The following CCNL1 variants were observed in gnomAD, a reference collection of about 807,000 sequenced individuals.
The protein encoded by CCNL1 is cyclin-L1.
CCNL1 carries 13 observed loss-of-function variants against 60.6 expected under a neutral mutation model. The observed-to-expected ratio is 0.21, with a 90% CI of 0.14 to 0.34. CCNL1 has a LOEUF of 0.34. Among genes scored for constraint, CCNL1 ranks in the 10% least tolerant of loss-of-function variants. CCNL1 has a pLI of 1.00. For synonymous variants in CCNL1, 270 were observed against 244.3 expected, an observed-to-expected ratio of 1.10 and a Z score of -0.98; for missense variants, 481 against 664.3, an observed-to-expected ratio of 0.72 and a Z score of 3.03.
intron 4 of CCNL1, 112 bp downstream of exon 4, chr3:157,152,924 T>C: frequency 6.6e-7 from 1 of 1,524,762 alleles, no homozygotes; most frequent in African/African-American, 1.4e-5. Context: ...TTTAAAAGAA[T>C]GCTTTTTAAA....
chr3:157,143,472 C>T (rs539053360), downstream of CCNL1, among the ~76,000 whole-genome samples: 116 of 151,738 alleles, frequency 7.6e-4, no homozygotes, highest in African/African-American at 2.7e-3. Context: ...TCATTCATTC[C>T]TCAAGTAATA....
chr3:157,158,186 T>C (rs1738772810), intron 3 of CCNL1, among the ~76,000 whole-genome samples: 1 of 152,264 alleles, frequency 6.6e-6, no homozygotes, highest in South Asian at 2.1e-4. Flanking sequence ...TCAGTCTCTG[T>C]ATTTTCTTAC....
At chr3:157,151,903 G>A (rs1738228627) in intron 5 of CCNL1, 1 of 1,263,962 alleles carries the variant, frequency 7.9e-7, no homozygotes, top group Non-Finnish European at 1.0e-6. Context: ...AGAGGGCAGA[G>A]TTCTATGACT....
chr3:157,150,648 A>T, intron 5 of CCNL1: 1 of 1,151,030 alleles, frequency 8.7e-7, no homozygotes, highest in Non-Finnish European at 1.1e-6. Context: ...ATTACTCCTA[A>T]AAAGTTAATA....
At chr3:157,145,437 C>CAA (rs56894231), downstream of CCNL1, among the ~76,000 whole-genome samples, 434 of 24,236 alleles carry the variant, frequency 0.018, 56 homozygotes, top group Middle Eastern at 0.062. Flanking sequence ...GACTTCATCT[C>CAA]AAAAAAAAAA....
intron 8 of CCNL1, 49 bp downstream of exon 8, chr3:157,149,787 G>C: frequency 1.3e-6 from 2 of 1,586,356 alleles, no homozygotes; most frequent in Non-Finnish European, 8.6e-7. Flanking sequence ...CTCTAATAAA[G>C]ACACACTTTC....
chr3:157,151,138 C>T lies in CCNL1; in HGVS notation c.675-757G>A, dbSNP rs575248961. ...CTAAACCATGAGAACTGCTATAATC[C>T]ATTTTATGCAACACATACTTAAAAT... On this transcript the variant is annotated intron_variant, in intron 5 of 10. Transcript: ENST00000295926. 4 of 984,884 alleles carry T rather than the reference C, an allele frequency of 4.1e-6. No homozygotes were observed. The South Asian group carries it at 1.9e-4, about 46-fold the overall frequency. 61.0% of individuals were successfully genotyped at this position (984,884 alleles called of 1,614,324 possible).
intron 5 of CCNL1, chr3:157,151,611 C>T: frequency 1.0e-6 from 1 of 987,418 alleles, no homozygotes; most frequent in South Asian, 4.7e-5. Context: ...AAAATTTAGT[C>T]AAACTCCTAA....
intron 3 of CCNL1, chr3:157,154,747 C>A (rs1577075463): frequency 6.6e-6 from 1 of 152,196 alleles, no homozygotes; most frequent in African/African-American, 2.4e-5. Context: ...CTTAAAATGG[C>A]CTTCCCTCGG....
intron 3 of CCNL1, among the ~76,000 whole-genome samples, chr3:157,156,304 T>C (rs1738619308): frequency 6.6e-6 from 1 of 152,222 alleles, no homozygotes; most frequent in Non-Finnish European, 1.5e-5. Context: ...AATTATACTG[T>C]AGAAAGGTGG....
chr3:157,149,488 T>C lies in CCNL1; in HGVS notation c.1130A>G (p.Asn377Ser). 6.2e-7 allele frequency: 1 copy of C among 1,613,346 alleles called. No individual in the cohort carries two copies. The highest frequency in any genetic ancestry group is 8.5e-7 in the Non-Finnish European group (1 of 1,179,314). Reference protein sequence around the residue: ...DRQQASKSPYNGVRKDSKRSR... With the variant: ...DRQQASKSPYSGVRKDSKRSR... ...TTTCCAGCCCAAGTATACTCACCCA[T>C]TGTAAGGGCTTTTGGAAGCCTGTTG... Residue 377 changes from asparagine (N) to serine (S), a missense_variant, in exon 9 of 11, where the codon AAT becomes AGT. Physicochemically the swap from Asn to Ser is conservative, Grantham distance 46. Coordinates refer to ENST00000295926, the MANE Select transcript of CCNL1 (RefSeq NM_020307.4).
At position 157,148,367 on chromosome 3, in the gene CCNL1, G is replaced by A; in HGVS notation, c.1455C>T (p.Ala485=). Residue 485 remains alanine, a synonymous_variant, in exon 11 of 11, where the codon GCC becomes GCT. Coordinates refer to ENST00000295926, the MANE Select transcript of CCNL1 (RefSeq NM_020307.4). ...QSKSRDHSDA[A]KKHRHERGHH... is the part of the protein sequence containing the mutation. ...GTCCCCTTTCATGCCTGTGTTTCTT[G>A]GCTGCATCTGAGTGATCCCGAGACT... 6.2e-7 allele frequency: 1 copy of A among 1,614,172 alleles called. No homozygotes were observed.
intron 4 of CCNL1, chr3:157,152,759 T>C (rs1272116499): frequency 4.2e-6 from 5 of 1,184,022 alleles, no homozygotes; most frequent in Non-Finnish European, 4.2e-6. Flanking sequence ...ATCTCTGTTT[T>C]CTAGGTGGAA....
At chr3:157,157,435 C>T (rs558058795) in intron 3 of CCNL1, among the ~76,000 whole-genome samples, 3 of 152,178 alleles carry the variant, frequency 2.0e-5, no homozygotes, top group Non-Finnish European at 2.9e-5. Context: ...CATGTGATTA[C>T]ATAATAGTTG....
chr3:157,151,589 A>G (rs925504447), intron 5 of CCNL1: 5 of 987,524 alleles, frequency 5.1e-6, no homozygotes, highest in African/African-American at 1.7e-5. Context: ...CATGCTATAC[A>G]CACTAAAAAT....
intron 3 of CCNL1, among the ~76,000 whole-genome samples, chr3:157,156,743 A>G (rs1470344931): frequency 1.3e-5 from 2 of 152,234 alleles, no homozygotes; most frequent in Non-Finnish European, 2.9e-5. Context: ...AATAAACTAG[A>G]TTAAAACAAA....
chr3:157,143,469 T>C (rs1453674086), downstream of CCNL1, among the ~76,000 whole-genome samples: 1 of 152,214 alleles, frequency 6.6e-6, no homozygotes, highest in African/African-American at 2.4e-5. Flanking sequence ...AATTCATTCA[T>C]TCCTCAAGTA....
At position 157,148,157 on chromosome 3, in the gene CCNL1, C is replaced by A; in HGVS notation, c.*84G>T. ...AAGAAATCAAATCCTAATCAGTTTG[C>A]GTTTAATGTTTTTGATTGAGTCCAT... is the stretch of plus-strand genomic sequence containing the variant. On this transcript the variant is annotated 3_prime_UTR_variant, in exon 11 of 11. Coordinates refer to ENST00000295926, the MANE Select transcript of CCNL1 (RefSeq NM_020307.4). 6.6e-7 allele frequency: 1 copy of A among 1,507,592 alleles called. No homozygotes were observed. Among genetic ancestry groups the A allele is most frequent in the Admixed American group, 2.3e-5 (1 of 42,796 alleles). The allele number at this position is 1,507,592 out of a possible 1,614,324, so 93.4% of individuals were successfully genotyped here. A position where few individuals can be genotyped will look rare whatever the true frequency, so the allele number is the denominator to read the frequency against.
intron 3 of CCNL1, chr3:157,153,411 C>T (rs1221965339): frequency 2.9e-6 from 1 of 347,166 alleles, no homozygotes; most frequent in Admixed American, 4.4e-5. Flanking sequence ...TTGAATTCAT[C>T]CCTGCCAACT....
Sources: allele counts gnomAD v4.1 joint callset (sites outside exome capture counted in the v4.1 genomes callset), GRCh38; gene constraint gnomAD v4.1.1; transcripts MANE v1.5; gene names NCBI Gene and HGNC (gene_info 2026-07-23, HGNC 2026-07-21).